The following ALMS1 variants were observed in gnomAD, a reference collection of about 807,000 sequenced individuals.
The protein encoded by ALMS1 is ALMS1 centrosome and basal body associated protein, also known as centrosome-associated protein ALMS1.
ALMS1 carries 271 observed loss-of-function variants against 352.2 expected under a neutral mutation model. The observed-to-expected ratio is 0.77, with a 90% CI of 0.70 to 0.85. The LOEUF is 0.85. Ranked by LOEUF, ALMS1 falls within the 40% of genes least tolerant of loss-of-function variation. The probability of loss-of-function intolerance (pLI) is 0.00; values close to 1 mark genes in which losing one functional copy is unlikely to be tolerated. For missense variants in ALMS1, 5,445 were observed against 4,870.7 expected, an observed-to-expected ratio of 1.12 and a Z score of -3.51; for synonymous variants, 1,865 against 1,761.2, an observed-to-expected ratio of 1.06 and a Z score of -1.48.
At chr2:73,548,384 A>G (rs1269043396) in intron 12 of ALMS1, among the ~76,000 whole-genome samples, 1 of 152,192 alleles carries the variant, frequency 6.6e-6, no homozygotes, top group African/African-American at 2.4e-5. Context: ...ATGTACATTC[A>G]CTGACACGCA....
At chr2:73,587,442 G>A (rs1244234238) in intron 16 of ALMS1, among the ~76,000 whole-genome samples, 2 of 152,142 alleles carry the variant, frequency 1.3e-5, no homozygotes, top group African/African-American at 4.8e-5. Flanking sequence ...TTACCTTAAG[G>A]TATGTCCTTT....
chr2:73,429,337 A>G (rs900719053), intron 6 of ALMS1, among the ~76,000 whole-genome samples: 1 of 145,568 alleles, frequency 6.9e-6, no homozygotes. Flanking sequence ...GCTGGAGTGC[A>G]ATGGCACAAT....
chr2:73,512,357 A>G (rs947902358), intron 10 of ALMS1, among the ~76,000 whole-genome samples: 4 of 150,946 alleles, frequency 2.6e-5, no homozygotes, highest in African/African-American at 9.7e-5. Flanking sequence ...TGCTGGGATT[A>G]CAGGCGTAAG....
In ALMS1 at chr2:73,453,475, G is replaced by C; in HGVS notation, c.6948G>C (p.Leu2316Phe). 1.9e-6 allele frequency: 3 copies of C among 1,613,306 alleles called. No individual in the cohort carries two copies. The highest frequency in any genetic ancestry group is 2.5e-6 in the Non-Finnish European group (3 of 1,179,666). Residue 2316 changes from leucine to phenylalanine, a missense_variant, in exon 8 of 23, where the codon TTG (leucine) becomes TTC (phenylalanine). Leu to Phe is a conservative substitution (Grantham distance 22, BLOSUM62 0). Transcript: ENST00000613296. ...PSSTGVSNGDLLHRQPFTEES... is the reference protein window; with the variant it reads ...PSSTGVSNGDFLHRQPFTEES... The stretch of plus-strand genomic sequence containing the variant: ...CCACGGGTGTATCTAATGGTGATTT[G>C]CTTCACAGACAGCCATTCACAGAGG...
At chr2:73,537,343 A>G (rs1674050507) in intron 12 of ALMS1, among the ~76,000 whole-genome samples, 2 of 152,186 alleles carry the variant, frequency 1.3e-5, no homozygotes, top group African/African-American at 4.8e-5. Context: ...AGGCCTGTGT[A>G]TGCTCAGGAA....
intron 9 of ALMS1, among the ~76,000 whole-genome samples, chr2:73,466,676 C>G (rs1672354362): frequency 6.6e-6 from 1 of 151,874 alleles, no homozygotes. Context: ...GTGGTTACCT[C>G]AGACTAAACG....
chr2:73,597,193 G>A (rs948815964), intron 16 of ALMS1, among the ~76,000 whole-genome samples: 2 of 152,048 alleles, frequency 1.3e-5, no homozygotes, highest in Non-Finnish European at 2.9e-5. Context: ...GCTATTGTGA[G>A]TGAGATAGTT....
At chr2:73,540,649 C>T (rs1422293037) in intron 12 of ALMS1, among the ~76,000 whole-genome samples, 39 of 152,076 alleles carry the variant, frequency 2.6e-4, no homozygotes, top group Non-Finnish European at 1.5e-5. Context: ...CAGAGTCACA[C>T]ATAGGCTCAA....
chr2:73,392,517 C>T (rs1670671500), intron 1 of ALMS1, among the ~76,000 whole-genome samples: 2 of 152,142 alleles, frequency 1.3e-5, no homozygotes, highest in African/African-American at 4.8e-5. Flanking sequence ...TATCCCCCGT[C>T]TTCCATTCCC....
At chr2:73,466,375 A>G (rs925985116) in intron 9 of ALMS1, among the ~76,000 whole-genome samples, 4 of 151,754 alleles carry the variant, frequency 2.6e-5, no homozygotes, top group African/African-American at 4.8e-5. Context: ...TCAGCAAGCT[A>G]TCTCAAGGAC....
Position 73,490,670 on chromosome 2 carries a change from A to C in ALMS1, c.8711A>C (p.His2904Pro), listed in dbSNP as rs370508584. Residue 2904 changes from histidine (H) to proline (P), a missense_variant, in exon 10 of 23, where the codon CAT becomes CCT. Transcript: ENST00000613296. ...PRADDHVRKH[H>P]SPSPQHQDYV... ...GCAGATGACCATGTGAGGAAACACC[A>C]TTCTCCCTCTCCTCAACATCAGGAT... is the stretch of plus-strand genomic sequence containing the variant. 15 of 1,613,918 alleles carry C rather than the reference A, an allele frequency of 9.3e-6. No individual in the cohort carries two copies. In the African/African-American group the frequency reaches 1.6e-4, roughly 17 times the overall value.
At chr2:73,471,413 A>G (rs778299664) in intron 9 of ALMS1, among the ~76,000 whole-genome samples, 8 of 150,742 alleles carry the variant, frequency 5.3e-5, no homozygotes, top group Non-Finnish European at 1.2e-4. Context: ...TCTATGGAAT[A>G]GGAGAAAATA....
chr2:73,450,178 A>G lies in ALMS1; in HGVS notation c.3651A>G (p.Lys1217=). 6.2e-7 allele frequency: 1 copy of G among 1,614,020 alleles called. No individual in the cohort carries two copies. Among genetic ancestry groups the G allele is most frequent in the Non-Finnish European group, 8.5e-7 (1 of 1,179,968 alleles). ...GTCACATACCTGAAGAGGCACAGAA[A>G]GTTTCACCTGTTCTTGGACCAGCTG... ...PGSHIPEEAQ[K]VSPVLGPADQ... Residue 1217 remains lysine, a synonymous_variant, in exon 8 of 23, where the codon AAA becomes AAG. Coordinates refer to ENST00000613296, the MANE Select transcript of ALMS1 (RefSeq NM_001378454.1).
intron 7 of ALMS1, among the ~76,000 whole-genome samples, chr2:73,440,616 G>A (rs1471829956): frequency 2.6e-5 from 4 of 151,634 alleles, no homozygotes; most frequent in East Asian, 3.9e-4. Context: ...GTAGAGACGG[G>A]GTTTCATCAT....
intron 9 of ALMS1, among the ~76,000 whole-genome samples, chr2:73,481,843 T>G (rs1221669334): frequency 6.6e-6 from 1 of 151,254 alleles, no homozygotes; most frequent in East Asian, 1.9e-4. Context: ...GAAGCAATTG[T>G]GAATGGGAGT....
intron 11 of ALMS1, among the ~76,000 whole-genome samples, chr2:73,521,705 G>A (rs1005900047): frequency 6.6e-6 from 1 of 151,640 alleles, no homozygotes; most frequent in South Asian, 2.1e-4. Context: ...AGCCGAGATC[G>A]TGCCACTGCA....
chr2:73,492,665 A>G (rs1673015288), intron 10 of ALMS1, among the ~76,000 whole-genome samples: 1 of 152,174 alleles, frequency 6.6e-6, no homozygotes, highest in Non-Finnish European at 1.5e-5. Flanking sequence ...GAGATAATAG[A>G]TTGGGGCAAA....
Position 73,526,291 on chromosome 2 carries a change from A to AT in ALMS1, c.9781+6281dup, listed in dbSNP as rs1229376217. Among the ~76,000 whole-genome samples the AT allele has an allele frequency of 9.9e-5, 15 of 151,898 alleles. No homozygotes were observed. The East Asian group carries it at 1.9e-3, about 20-fold the overall frequency. On this transcript the variant is annotated intron_variant, in intron 11 of 22. Transcript: ENST00000613296. ...TTTGTGGTTCCATATAAATTTTAGG[A>AT]TTTTTTCTATTTCTGTGAAGAATGT...
rs1671510361 is a variant in ALMS1 at position 73,432,067 on chromosome 2, A to C, written c.1339-131A>C. On this transcript the variant is annotated intron_variant, in intron 6 of 22. Coordinates refer to ENST00000613296, the MANE Select transcript of ALMS1 (RefSeq NM_001378454.1). Reference sequence around the variant, plus strand: ...CTTAGTGTTCCTCTTTGTAAAAATGAAGGATTATTTTTAGCAGATGAGGTT... The same window carrying C: ...CTTAGTGTTCCTCTTTGTAAAAATGCAGGATTATTTTTAGCAGATGAGGTT... 6 of 685,660 alleles carry C rather than the reference A, an allele frequency of 8.8e-6. No individual in the cohort carries two copies. The East Asian group carries it at 1.7e-4, about 20-fold the overall frequency. The allele number at this position is 685,660 out of a possible 1,614,324, so 42.5% of individuals were successfully genotyped here. A position where few individuals can be genotyped will look rare whatever the true frequency, so the allele number is the denominator to read the frequency against.
Sources: allele counts gnomAD v4.1 joint callset (sites outside exome capture counted in the v4.1 genomes callset), GRCh38; gene constraint gnomAD v4.1.1; transcripts MANE v1.5; gene names NCBI Gene and HGNC (gene_info 2026-07-23, HGNC 2026-07-21).